Variants in RBFOX1 observed in about 807,000 individuals in gnomAD.
RBFOX1 encodes the protein RNA binding fox-1 homolog 1.
RBFOX1 carries 8 observed loss-of-function variants against 57.7 expected under a neutral mutation model. The observed-to-expected ratio is 0.14, with a 90% confidence interval of 0.08 to 0.25. The LOEUF is 0.25. Among genes scored for constraint, RBFOX1 ranks in the 10% least tolerant of loss-of-function variants. The probability of loss-of-function intolerance (pLI) is 1.00; values close to 1 mark genes in which losing one functional copy is unlikely to be tolerated. For missense variants in RBFOX1, 611 were observed against 548.5 expected (o/e 1.11, Z -1.14); for synonymous variants, 326 against 222.4 (o/e 1.47, Z -4.15).
At chr16:7,024,726 T>C (rs2040374923) in intron 3 of RBFOX1, among the ~76,000 whole-genome samples, 1 of 152,202 alleles carries the variant, frequency 6.6e-6, no homozygotes. Flanking sequence ...TGTCCTGCTC[T>C]TGTTGCTGGA....
At chr16:7,142,687 G>A (rs1174197151) in intron 4 of RBFOX1, among the ~76,000 whole-genome samples, 1 of 152,154 alleles carries the variant, frequency 6.6e-6, no homozygotes, top group Non-Finnish European at 1.5e-5. Flanking sequence ...GTATATACAT[G>A]TCTTTAATAT....
intron 1 of RBFOX1, among the ~76,000 whole-genome samples, chr16:6,043,404 A>G (rs762368739): frequency 3.9e-5 from 6 of 152,180 alleles, no homozygotes; most frequent in Non-Finnish European, 8.8e-5. Flanking sequence ...TTGGGATACA[A>G]TATTTTGATT....
intron 4 of RBFOX1, among the ~76,000 whole-genome samples, chr16:6,009,272 C>G (rs2094945940): frequency 6.6e-6 from 1 of 152,112 alleles, no homozygotes; most frequent in African/African-American, 2.4e-5. Flanking sequence ...TTTCTACCAC[C>G]TTAAAACTGC....
chr16:5,836,576 C>T (rs1406345380), intron 3 of RBFOX1, among the ~76,000 whole-genome samples: 1 of 152,214 alleles, frequency 6.6e-6, no homozygotes, highest in Non-Finnish European at 1.5e-5. Flanking sequence ...TTCTGCCTTC[C>T]AGGCACATCT....
At chr16:6,977,564 A>T (rs1368721316) in intron 3 of RBFOX1, among the ~76,000 whole-genome samples, 1 of 152,096 alleles carries the variant, frequency 6.6e-6, no homozygotes, top group Non-Finnish European at 1.5e-5. Flanking sequence ...ACAATTGGAC[A>T]CACGTCTGTG....
intron 1 of RBFOX1, among the ~76,000 whole-genome samples, chr16:6,168,192 C>T (rs975513650): frequency 6.6e-6 from 1 of 152,146 alleles, no homozygotes; most frequent in Admixed American, 6.5e-5. Context: ...CCCTGATATA[C>T]GTTGCTTAAG....
At chr16:6,859,604 C>A (rs1245935225) in intron 3 of RBFOX1, among the ~76,000 whole-genome samples, 1 of 151,982 alleles carries the variant, frequency 6.6e-6, no homozygotes, top group African/African-American at 2.4e-5. Flanking sequence ...CTTCAGAGAT[C>A]TTCCTGCCGC....
intron 1 of RBFOX1, among the ~76,000 whole-genome samples, chr16:6,204,190 C>G (rs868467068): frequency 6.6e-6 from 1 of 152,228 alleles, no homozygotes. Flanking sequence ...CTACCCTCAC[C>G]TCATCTTTCA....
chr16:7,184,249 A>C (rs2083283459), intron 4 of RBFOX1, among the ~76,000 whole-genome samples: 1 of 152,212 alleles, frequency 6.6e-6, no homozygotes, highest in African/African-American at 2.4e-5. Context: ...GCTTATAGCA[A>C]GGGGGTTGAA....
rs140936479 is a variant in RBFOX1 at position 5,745,253 on chromosome 16, C to T, written c.319-122050C>T. Among the ~76,000 whole-genome samples the T allele has an allele frequency of 4.3e-3, 648 of 152,278 alleles. 6 individuals are homozygous for T. Among genetic ancestry groups the T allele is most frequent in the African/African-American group, 0.015 (606 of 41,558 alleles). ...TGATGGTTTCCAGCTTCATCCATGT[C>T]TCTACAAAGGACATGAACTCATCCT... On this transcript the variant is annotated intron_variant, in intron 3 of 19. Coordinates refer to the RBFOX1 transcript ENST00000641259.
At chr16:7,120,838 C>CACACACACACACACACACACAT (rs1555491050) in intron 4 of RBFOX1, among the ~76,000 whole-genome samples, 3,314 of 141,582 alleles carry the variant, frequency 0.023, 50 homozygotes, top group Non-Finnish European at 0.034. Flanking sequence ...TATACACACA[C>CACACACACACACACACACACAT]ACACACACAC....
At chr16:5,282,257 C>G (rs545586141) in intron 1 of RBFOX1, among the ~76,000 whole-genome samples, 3 of 152,340 alleles carry the variant, frequency 2.0e-5, no homozygotes, top group African/African-American at 7.2e-5. Flanking sequence ...CAATGTAGAA[C>G]TGTAAGTCCA....
rs141992133 is a variant in RBFOX1, at chr16:6,592,091, C to T, written c.-63-62512C>T. 1.9e-3 allele frequency among the ~76,000 whole-genome samples: 288 copies of T among 152,274 alleles called. 1 individual carries two copies. The highest frequency in any genetic ancestry group is 6.6e-3 in the African/African-American group (273 of 41,560). On this transcript the variant is annotated intron_variant, in intron 2 of 15. Coordinates refer to ENST00000550418, the MANE Select transcript of RBFOX1 (RefSeq NM_018723.4). ...TGGAGATTTGGAGACTTTAGACACACGTTCCAATGTCAGGGTAGGACGATT... is the reference window on the plus strand; with the variant it reads ...TGGAGATTTGGAGACTTTAGACACATGTTCCAATGTCAGGGTAGGACGATT...
At position 5,278,408 on chromosome 16, in the gene RBFOX1, C is replaced by T. The variant is rs552770858; in HGVS notation, c.219+38303C>T. Among the ~76,000 whole-genome samples the T allele has an allele frequency of 1.6e-4, 25 of 152,282 alleles. No homozygotes were observed. The East Asian group carries it at 4.8e-3, about 29-fold the overall frequency. ...TTGCTTTTGTGGCGATTGCGTTTGG[C>T]ATCTTCAGCATGAACTCTTTGCCCA... On this transcript the variant is annotated intron_variant, in intron 1 of 2. Coordinates refer to the RBFOX1 transcript ENST00000585867.
chr16:7,353,617 T>C (rs193189592), intron 4 of RBFOX1, among the ~76,000 whole-genome samples: 34 of 152,292 alleles, frequency 2.2e-4, no homozygotes, highest in African/African-American at 7.0e-4. Context: ...CAATGGGATA[T>C]GTTCAGGTAT....
chr16:7,117,005 G>A (rs1211148424), intron 4 of RBFOX1, among the ~76,000 whole-genome samples: 2 of 152,086 alleles, frequency 1.3e-5, no homozygotes, highest in Non-Finnish European at 2.9e-5. Flanking sequence ...GAGATACGTA[G>A]GCCAAGAAAG....
intron 4 of RBFOX1, among the ~76,000 whole-genome samples, chr16:7,106,891 A>C (rs930502484): frequency 6.6e-6 from 1 of 152,070 alleles, no homozygotes; most frequent in East Asian, 1.9e-4. Flanking sequence ...CATGCACCAG[A>C]CACTATTCTT....
chr16:6,336,224 A>G (rs1275683928), intron 2 of RBFOX1, among the ~76,000 whole-genome samples: 2 of 77,872 alleles, frequency 2.6e-5, no homozygotes, highest in African/African-American at 4.3e-5. Flanking sequence ...TTTGAGATGG[A>G]GTCTCGCTCT....
intron 4 of RBFOX1, among the ~76,000 whole-genome samples, chr16:7,392,212 A>G (rs1481194759): frequency 6.6e-6 from 1 of 152,124 alleles, no homozygotes; most frequent in African/African-American, 2.4e-5. Flanking sequence ...CTCTGCCTAC[A>G]TGTCCCTTTT....
Sources: allele counts gnomAD v4.1 joint callset (sites outside exome capture counted in the v4.1 genomes callset), GRCh38; gene constraint gnomAD v4.1.1; transcripts MANE v1.5; gene names NCBI Gene and HGNC (gene_info 2026-07-23, HGNC 2026-07-21).